The following PLB1 variants were observed in gnomAD, a reference collection of about 807,000 sequenced individuals.
The protein encoded by PLB1 is phospholipase B1, also known as phospholipase B1, membrane-associated.
Under a neutral mutation model 227.4 loss-of-function variants are expected in PLB1, and 242 were observed. The observed-to-expected ratio is 1.06, with a 90% CI of 0.96 to 1.18. The LOEUF is 1.18. Among genes scored for constraint, PLB1 ranks in the 50% most tolerant of loss-of-function variants. PLB1 has a pLI of 0.00. For synonymous variants in PLB1, 757 were observed against 682.2 expected, an observed-to-expected ratio of 1.11 and a Z score of -1.71; for missense variants, 1,858 against 1,816.3, an observed-to-expected ratio of 1.02 and a Z score of -0.42.
At chr2:28,539,824 A>T (rs867613173) in intron 11 of PLB1, among the ~76,000 whole-genome samples, 5 of 151,990 alleles carry the variant, frequency 3.3e-5, no homozygotes, top group African/African-American at 1.2e-4. Flanking sequence ...GTGAGCGGGG[A>T]GGAGGAGGAC....
intron 20 of PLB1, among the ~76,000 whole-genome samples, chr2:28,570,859 T>C (rs979252285): frequency 6.6e-6 from 1 of 152,172 alleles, no homozygotes; most frequent in Non-Finnish European, 1.5e-5. Context: ...AAGGGTATCT[T>C]TTAAGAGCCC....
intron 19 of PLB1, among the ~76,000 whole-genome samples, chr2:28,566,249 T>TGGG (rs34700848): frequency 2.4e-4 from 37 of 151,246 alleles, no homozygotes; most frequent in African/African-American, 6.3e-4. Context: ...CAGAATGGGG[T>TGGG]GGGGGGGTGT....
At chr2:28,613,203 G>T (rs1228242211) in intron 43 of PLB1, among the ~76,000 whole-genome samples, 1 of 152,166 alleles carries the variant, frequency 6.6e-6, no homozygotes, top group African/African-American at 2.4e-5. Context: ...GGGAATACAG[G>T]CATGGGCCAC....
At chr2:28,557,330 A>T (rs1675308276) in intron 17 of PLB1, among the ~76,000 whole-genome samples, 1 of 152,094 alleles carries the variant, frequency 6.6e-6, no homozygotes. Context: ...CACACCGAAG[A>T]CTCCAAAGGC....
In PLB1 at chr2:28,643,681, C is replaced by A. The variant is rs1690204983; in HGVS notation, c.*620C>A. 1 of 152,200 alleles carries A rather than the reference C, an allele frequency of 6.6e-6. No homozygotes were observed. The highest frequency in any genetic ancestry group is 2.4e-5 in the African/African-American group (1 of 41,436). The allele number at this position is 152,200 out of a possible 1,614,324, so 9.4% of individuals were successfully genotyped here. ...CTAGGGCATCAGTAGGTAAATGTGT[C>A]TGATTGTTTTAAAGAATAGAAAGGG... is the stretch of plus-strand genomic sequence containing the variant. On this transcript the variant is annotated 3_prime_UTR_variant, in exon 58 of 58. Transcript: ENST00000327757.
chr2:28,606,843 T>A (rs993182542), intron 43 of PLB1, among the ~76,000 whole-genome samples: 1 of 152,024 alleles, frequency 6.6e-6, no homozygotes, highest in African/African-American at 2.4e-5. Context: ...AGTGGGCTCC[T>A]GAGAGAGGAA....
Position 28,614,056 on chromosome 2 carries a change from G to A in PLB1, c.3155G>A (p.Arg1052Gln), listed in dbSNP as rs778294381. ...TQNEPFLRTP[R>Q]NSNYTYPIKP... ...AATGAGCCCTTCCTGAGAACCCCTC[G>A]GAATAGTAACTACACGTACCCCATC... is the stretch of plus-strand genomic sequence containing the variant. The change falls in exon 44 of 58, where the codon CGG (arginine) becomes CAG (glutamine). Residue 1052 changes from arginine to glutamine, a missense_variant. Arg to Gln is a conservative substitution (Grantham distance 43, BLOSUM62 1). Coordinates refer to ENST00000327757, the MANE Select transcript of PLB1 (RefSeq NM_153021.5). The A allele has an allele frequency of 2.5e-5, 41 of 1,612,710 alleles. No homozygotes were observed. In the Middle Eastern group the frequency reaches 1.2e-3, roughly 45 times the overall value.
In PLB1 at chr2:28,549,998, C is replaced by T; in HGVS notation, c.1009-12C>T. 6.2e-7 allele frequency: 1 copy of T among 1,609,296 alleles called. No homozygotes were observed. The highest frequency in any genetic ancestry group is 8.5e-7 in the Non-Finnish European group (1 of 1,176,178). ...TAGGGTCACGATTCCAACATGTCAC[C>T]TTTCCCTGCAGGAGAGCCCCTATCT... On this transcript the variant is annotated splice_polypyrimidine_tract_variant and intron_variant, in intron 15 of 57. Transcript: ENST00000327757.
chr2:28,554,803 TGG>T, intron 17 of PLB1, among the ~76,000 whole-genome samples: 1 of 152,262 alleles, frequency 6.6e-6, no homozygotes, highest in Admixed American at 6.5e-5. Context: ...ATCTAAAAGC[TGG>T]GTAAAATGTA....
At chr2:28,639,038 A>C (rs1469252852) in intron 56 of PLB1, among the ~76,000 whole-genome samples, 1 of 149,716 alleles carries the variant, frequency 6.7e-6, no homozygotes, top group Non-Finnish European at 1.5e-5. Flanking sequence ...ATTGCACTCC[A>C]GCCTGGGTGA....
intron 13 of PLB1, among the ~76,000 whole-genome samples, chr2:28,542,719 G>A (rs915311872): frequency 3.3e-5 from 5 of 152,196 alleles, no homozygotes; most frequent in African/African-American, 1.2e-4. Context: ...AGACCATGTA[G>A]CACTTGGTCC....
At chr2:28,615,907 A>C (rs1686135010) in intron 44 of PLB1, among the ~76,000 whole-genome samples, 1 of 152,230 alleles carries the variant, frequency 6.6e-6, no homozygotes, top group Non-Finnish European at 1.5e-5. Flanking sequence ...ACAGAAACAA[A>C]ATTCTGTCAT....
intron 21 of PLB1, 104 bp from the exon 22 acceptor site, chr2:28,578,003 C>T (rs1336241169): frequency 3.5e-6 from 4 of 1,145,974 alleles, no homozygotes; most frequent in African/African-American, 3.0e-5. Context: ...GCAGGAGGCC[C>T]ACCCTGGGCC....
At position 28,602,024 on chromosome 2, in the gene PLB1, T is replaced by C. The variant is rs553467451; in HGVS notation, c.2673+60T>C. 6.1e-5 allele frequency: 80 copies of C among 1,300,914 alleles called. 1 individual carries two copies. The African/African-American group carries it at 1.1e-3, about 17-fold the overall frequency. The allele number at this position is 1,300,914 out of a possible 1,614,324, so 80.6% of individuals were successfully genotyped here. A position where few individuals can be genotyped will look rare whatever the true frequency, so the allele number is the denominator to read the frequency against. ...CAAGCATGGTGAGGGTGAAGGTGGA[T>C]GGGGGGAAAGAATGAGAGAAGAACC... On this transcript the variant is annotated intron_variant, in intron 38 of 57. Coordinates refer to ENST00000327757, the MANE Select transcript of PLB1 (RefSeq NM_153021.5).
chr2:28,561,326 T>C (rs1424143676), intron 17 of PLB1, among the ~76,000 whole-genome samples: 1 of 151,866 alleles, frequency 6.6e-6, no homozygotes, highest in Non-Finnish European at 1.5e-5. Context: ...ACTCAAAAGA[T>C]AAAAATATGT....
At chr2:28,539,503 G>A (rs1461506180) in intron 11 of PLB1, among the ~76,000 whole-genome samples, 1 of 152,198 alleles carries the variant, frequency 6.6e-6, no homozygotes, top group Non-Finnish European at 1.5e-5. Context: ...GCTAAGAAGT[G>A]TTACTTCTGG....
rs752042271 is a variant in PLB1 at position 28,642,838 on chromosome 2, C to T, written c.4174-20C>T. ...GGTTCACGGAGATCCTTTCCACTGA[C>T]CCCCGCTCCTCCTCCACAGGAGAGC... is the stretch of plus-strand genomic sequence containing the variant. On this transcript the variant is annotated intron_variant, in intron 57 of 57. Coordinates refer to ENST00000327757, the MANE Select transcript of PLB1 (RefSeq NM_153021.5). 1.1e-5 allele frequency: 17 copies of T among 1,557,282 alleles called. No individual in the cohort carries two copies. In the Admixed American group the frequency reaches 1.9e-4, roughly 17 times the overall value.
At position 28,520,127 on chromosome 2, in the gene PLB1, C is replaced by T. The variant is rs143947256; in HGVS notation, c.243+364C>T. Among the ~76,000 whole-genome samples, 1,155 of 151,654 alleles carry T rather than the reference C, an allele frequency of 7.6e-3. 16 individuals carry two copies. The highest frequency in any genetic ancestry group is 0.026 in the African/African-American group (1,068 of 41,130). ...ATTTTTAGTAGAGACAGAGTTTCTC[C>T]ATGTTGGTCAGGCTAGTCTCGAACT... On this transcript the variant is annotated intron_variant, in intron 4 of 57. Transcript: ENST00000327757.
In PLB1 at chr2:28,643,178, G is replaced by A. The variant is rs1024791546; in HGVS notation, c.*117G>A. ...AATGCCTGGTGCCATAGGAAGCCCA[G>A]GGGACAGTCACAACTTCTTGGGGCC... On this transcript the variant is annotated 3_prime_UTR_variant, in exon 58 of 58. Transcript: ENST00000327757. 43 of 1,014,014 alleles carry A rather than the reference G, an allele frequency of 4.2e-5. No homozygotes were observed. The highest frequency in any genetic ancestry group is 5.9e-5 in the Non-Finnish European group (42 of 709,850). The allele number at this position is 1,014,014 out of a possible 1,614,324, so 62.8% of individuals were successfully genotyped here.
Sources: gnomAD v4.1 joint callset for allele counts (sites outside exome capture counted in the v4.1 genomes callset) on GRCh38, gnomAD v4.1.1 for gene constraint, MANE v1.5 for transcripts, NCBI Gene and HGNC (gene_info 2026-07-23, HGNC 2026-07-21) for gene names.